The following FILIP1L variants were observed in gnomAD, a reference collection of about 807,000 sequenced individuals.
The protein encoded by FILIP1L is filamin A-interacting protein 1-like.
A neutral mutation model predicts 96.6 loss-of-function variants in FILIP1L; 55 were observed. That is an observed-to-expected ratio of 0.57 (90% CI 0.46 to 0.71). FILIP1L has a LOEUF of 0.71. Ranked by LOEUF, FILIP1L falls within the 30% of genes least tolerant of loss-of-function variation. The pLI, the probability that FILIP1L is intolerant of heterozygous loss-of-function variation, is 0.00. For synonymous variants in FILIP1L, 467 were observed against 473.9 expected (o/e 0.99, Z 0.19); for missense variants, 1,304 against 1,321.2 (o/e 0.99, Z 0.20).
intron 1 of FILIP1L, among the ~76,000 whole-genome samples, chr3:100,048,622 G>A (rs1361387505): frequency 6.6e-6 from 1 of 152,050 alleles, no homozygotes. Context: ...CACTTTTTTG[G>A]ACTGCCATTT....
intron 1 of FILIP1L, among the ~76,000 whole-genome samples, chr3:99,940,244 T>C (rs748479824): frequency 8.5e-5 from 13 of 152,218 alleles, no homozygotes; most frequent in Admixed American, 2.0e-4. Flanking sequence ...AGGAAATTAT[T>C]TTTATGTAGT....
At chr3:99,894,820 A>G (rs1315881076) in intron 4 of FILIP1L, among the ~76,000 whole-genome samples, 1 of 152,190 alleles carries the variant, frequency 6.6e-6, no homozygotes, top group African/African-American at 2.4e-5. Flanking sequence ...CAAGGTTTAT[A>G]TGTACTCCTA....
At chr3:100,095,382 C>T (rs1028203563) in intron 1 of FILIP1L, among the ~76,000 whole-genome samples, 1 of 151,922 alleles carries the variant, frequency 6.6e-6, no homozygotes, top group Non-Finnish European at 1.5e-5. Flanking sequence ...GTTCTGTATC[C>T]GTGAATTCAA....
chr3:99,982,006 T>C (rs1709138794), intron 1 of FILIP1L, among the ~76,000 whole-genome samples: 1 of 152,222 alleles, frequency 6.6e-6, no homozygotes, highest in South Asian at 2.1e-4. Context: ...ATCACTTTTC[T>C]ATTTTATTTT....
At chr3:100,022,205 A>G (rs756955823) in intron 1 of FILIP1L, among the ~76,000 whole-genome samples, 2 of 152,192 alleles carry the variant, frequency 1.3e-5, no homozygotes, top group African/African-American at 2.4e-5. Context: ...TTCAGATGCA[A>G]TTGCAGTAGC....
chr3:99,933,428 G>T (rs1482326925), intron 1 of FILIP1L, among the ~76,000 whole-genome samples: 1 of 152,094 alleles, frequency 6.6e-6, no homozygotes, highest in Non-Finnish European at 1.5e-5. Flanking sequence ...TAAGAGATGA[G>T]ATTGGGAAAA....
At chr3:99,891,395 A>G (rs1419241997) in intron 4 of FILIP1L, among the ~76,000 whole-genome samples, 1 of 152,196 alleles carries the variant, frequency 6.6e-6, no homozygotes, top group Non-Finnish European at 1.5e-5. Context: ...GAGTTTAACA[A>G]AACATTCTCA....
At chr3:99,977,128 C>A (rs1206157544) in intron 1 of FILIP1L, among the ~76,000 whole-genome samples, 1 of 152,160 alleles carries the variant, frequency 6.6e-6, no homozygotes, top group African/African-American at 2.4e-5. Context: ...CGAACATTGT[C>A]ATGGAGGGAT....
At position 100,094,774 on chromosome 3, in the gene FILIP1L, C is replaced by G. The variant is rs191342950; in HGVS notation, c.-11+19279G>C. On this transcript the variant is annotated intron_variant, in intron 1 of 5. Transcript: ENST00000477258. ...TCTCGGCTCACGGCAAGCTCTGCCT[C>G]CCGGGTTCATGCCATTCTCCTGCCT... is the stretch of plus-strand genomic sequence containing the variant. Among the ~76,000 whole-genome samples, 158 of 150,526 alleles carry G rather than the reference C, an allele frequency of 1.0e-3. 2 individuals are homozygous for G. In the East Asian group the frequency reaches 0.029, roughly 27 times the overall value.
intron 4 of FILIP1L, among the ~76,000 whole-genome samples, chr3:99,852,316 G>C (rs1943736693): frequency 6.6e-6 from 1 of 152,272 alleles, no homozygotes; most frequent in South Asian, 2.1e-4. Flanking sequence ...TAGGTATAGA[G>C]AATTCATAAA....
intron 1 of FILIP1L, among the ~76,000 whole-genome samples, chr3:100,034,006 TTTGA>T (rs1386043831): frequency 6.6e-6 from 1 of 152,236 alleles, no homozygotes; most frequent in South Asian, 2.1e-4. Context: ...AGTATGGTTA[TTTGA>T]TTGAAGAAAC....
At chr3:99,948,102 A>G (rs1576593693) in intron 1 of FILIP1L, among the ~76,000 whole-genome samples, 1 of 152,348 alleles carries the variant, frequency 6.6e-6, no homozygotes, top group Admixed American at 6.5e-5. Flanking sequence ...CATCATTTTA[A>G]TGCTGTCTTA....
At chr3:100,007,505 T>C (rs928879322) in intron 1 of FILIP1L, among the ~76,000 whole-genome samples, 1 of 151,976 alleles carries the variant, frequency 6.6e-6, no homozygotes, top group Non-Finnish European at 1.5e-5. Context: ...GATGCAAAAG[T>C]CTAGTCAGCA....
At chr3:100,073,760 G>C (rs2065800617) in intron 1 of FILIP1L, among the ~76,000 whole-genome samples, 1 of 152,076 alleles carries the variant, frequency 6.6e-6, no homozygotes, top group Admixed American at 6.6e-5. Context: ...GTGTGTGCCG[G>C]GCAAGATCTC....
rs992962828 is a variant in FILIP1L at position 99,829,565 on chromosome 3, T to A, written c.*849A>T. ...GAAACTCAAGGCTTAGATTGATGAATGCAAAGCTCGTTGTCACATGAATGA... is the reference window on the plus strand; with the variant it reads ...GAAACTCAAGGCTTAGATTGATGAAAGCAAAGCTCGTTGTCACATGAATGA... On this transcript the variant is annotated 3_prime_UTR_variant, in exon 6 of 6. Transcript: ENST00000477258. Among the ~76,000 whole-genome samples the A allele has an allele frequency of 6.6e-6, 1 of 152,226 alleles. No homozygotes were observed. Among genetic ancestry groups the A allele is most frequent in the Non-Finnish European group, 1.5e-5 (1 of 68,038 alleles).
intron 4 of FILIP1L, among the ~76,000 whole-genome samples, chr3:99,920,925 T>C (rs1315698599): frequency 6.6e-6 from 1 of 152,218 alleles, no homozygotes; most frequent in African/African-American, 2.4e-5. Context: ...ACACTTAGAA[T>C]GTGAGCAGTA....
intron 1 of FILIP1L, among the ~76,000 whole-genome samples, chr3:99,999,092 G>C (rs1177030158): frequency 6.6e-6 from 1 of 152,158 alleles, no homozygotes; most frequent in Non-Finnish European, 1.5e-5. Flanking sequence ...ATATATCTCA[G>C]TTACTGATTC....
chr3:99,878,214 C>A (rs542702318), intron 4 of FILIP1L, among the ~76,000 whole-genome samples: 17 of 152,286 alleles, frequency 1.1e-4, no homozygotes, highest in Admixed American at 4.6e-4. Context: ...AGTTATGTGA[C>A]CACTGTCTTC....
rs1462097998 is a variant in FILIP1L, at chr3:99,999,256, G to A, written c.-10-68226C>T. ...TGTGATAAGCTCTCACTGTAGCAAG[G>A]AGGAAAAAGAGGGGCACTGTCTCAT... On this transcript the variant is annotated intron_variant, in intron 1 of 5. Coordinates refer to ENST00000477258, the MANE Select transcript of FILIP1L (RefSeq NM_001387850.1). 2.0e-5 allele frequency among the ~76,000 whole-genome samples: 3 copies of A among 152,184 alleles called. No individual in the cohort carries two copies. The East Asian group carries it at 5.8e-4, about 29-fold the overall frequency.
Sources: allele counts gnomAD v4.1 joint callset (sites outside exome capture counted in the v4.1 genomes callset), GRCh38; gene constraint gnomAD v4.1.1; transcripts MANE v1.5; gene names NCBI Gene and HGNC (gene_info 2026-07-23, HGNC 2026-07-21).